Variants in SMAP1 observed in about 807,000 individuals in gnomAD.
SMAP1 encodes small ArfGAP 1.
A neutral mutation model predicts 58.5 loss-of-function variants in SMAP1; 24 were observed. The ratio of observed to expected loss-of-function variants is 0.41; its 90% CI spans 0.30 to 0.58. The LOEUF (loss-of-function observed/expected upper bound fraction) is 0.58. SMAP1 is among the 20% of genes least tolerant of loss of function. SMAP1 has a pLI of 0.29. For missense variants in SMAP1, 563 were observed against 566.3 expected (o/e 0.99, Z 0.06); for synonymous variants, 216 against 196.6 (o/e 1.10, Z -0.82).
At chr6:70,857,881 G>T in intron 9 of SMAP1, 41 bp from the exon 10 acceptor site, 3 of 1,595,746 alleles carry the variant, frequency 1.9e-6, no homozygotes, top group Non-Finnish European at 2.6e-6. Context: ...GCAACTACAC[G>T]TGATAGCTCT....
intron 6 of SMAP1, among the ~76,000 whole-genome samples, chr6:70,806,296 G>A (rs1258611470): frequency 3.9e-5 from 6 of 152,232 alleles, no homozygotes; most frequent in Admixed American, 6.5e-5. Flanking sequence ...GGCTCTGTGA[G>A]CGTGGGACCT....
chr6:70,780,426 G>C (rs1054073756), intron 4 of SMAP1, among the ~76,000 whole-genome samples: 1 of 152,054 alleles, frequency 6.6e-6, no homozygotes, highest in African/African-American at 2.4e-5. Context: ...AAATAATAAT[G>C]AAAAATTAGC....
intron 2 of SMAP1, among the ~76,000 whole-genome samples, chr6:70,736,791 A>T (rs1328719711): frequency 6.6e-6 from 1 of 152,160 alleles, no homozygotes; most frequent in Non-Finnish European, 1.5e-5. Flanking sequence ...CATTTCTCCG[A>T]CAAGTCCAAG....
intron 3 of SMAP1, among the ~76,000 whole-genome samples, chr6:70,769,977 G>C (rs1487599273): frequency 6.6e-6 from 1 of 151,656 alleles, no homozygotes; most frequent in Non-Finnish European, 1.5e-5. Context: ...GCATTTGCTT[G>C]TCTGTAAAGG....
intron 2 of SMAP1, among the ~76,000 whole-genome samples, chr6:70,746,620 G>T (rs1393654073): frequency 6.6e-6 from 1 of 152,074 alleles, no homozygotes; most frequent in Non-Finnish European, 1.5e-5. Flanking sequence ...CAGGGATATT[G>T]GTCTAAAATT....
chr6:70,679,808 C>T (rs773420589), intron 1 of SMAP1, among the ~76,000 whole-genome samples: 2 of 152,288 alleles, frequency 1.3e-5, no homozygotes, highest in Non-Finnish European at 2.9e-5. Flanking sequence ...TCAGTTCTCT[C>T]CAAATTAGTC....
intron 1 of SMAP1, among the ~76,000 whole-genome samples, chr6:70,687,693 C>A (rs531099776): frequency 6.6e-6 from 1 of 152,138 alleles, no homozygotes; most frequent in African/African-American, 2.4e-5. Context: ...GACACTTGAC[C>A]CAGTTTCTCC....
chr6:70,733,421 A>G (rs1456292144), intron 2 of SMAP1, among the ~76,000 whole-genome samples: 3 of 152,236 alleles, frequency 2.0e-5, no homozygotes, highest in East Asian at 1.9e-4. Context: ...TGTACTTTCA[A>G]GATCCTTGAG....
chr6:70,847,792 G>A (rs2150006429), intron 7 of SMAP1, among the ~76,000 whole-genome samples: 1 of 152,226 alleles, frequency 6.6e-6, no homozygotes, highest in South Asian at 2.1e-4. Context: ...AGCTGAGCAA[G>A]GTGCATGTCT....
intron 3 of SMAP1, among the ~76,000 whole-genome samples, chr6:70,763,586 A>C (rs1052459926): frequency 2.0e-5 from 3 of 152,214 alleles, no homozygotes; most frequent in African/African-American, 7.2e-5. Context: ...CTAGTGAGGA[A>C]GGCATGTGGA....
chr6:70,841,944 C>G (rs1770822245), intron 7 of SMAP1, among the ~76,000 whole-genome samples: 1 of 152,176 alleles, frequency 6.6e-6, no homozygotes, highest in Non-Finnish European at 1.5e-5. Flanking sequence ...TTCTCAAAGT[C>G]CATGTGCTAT....
intron 7 of SMAP1, among the ~76,000 whole-genome samples, chr6:70,838,857 T>G (rs1770700222): frequency 6.6e-6 from 1 of 152,144 alleles, no homozygotes; most frequent in Non-Finnish European, 1.5e-5. Flanking sequence ...ATTTGAAGAA[T>G]TATTGTGGCG....
intron 6 of SMAP1, among the ~76,000 whole-genome samples, chr6:70,835,782 C>T (rs1770556902): frequency 6.6e-6 from 1 of 152,150 alleles, no homozygotes; most frequent in Admixed American, 6.5e-5. Context: ...GCTGGTATTA[C>T]AGGTGTGAGT....
chr6:70,857,449 T>C (rs995478113), intron 9 of SMAP1: 11 of 169,314 alleles, frequency 6.5e-5, no homozygotes, highest in African/African-American at 1.9e-4. Flanking sequence ...ATAAGCCTTA[T>C]TGTTTACAGA....
At chr6:70,807,331 A>G (rs1435646725) in intron 6 of SMAP1, among the ~76,000 whole-genome samples, 1 of 152,244 alleles carries the variant, frequency 6.6e-6, no homozygotes, top group Non-Finnish European at 1.5e-5. Context: ...GTAAAACCTA[A>G]AAATGTAATG....
intron 1 of SMAP1, among the ~76,000 whole-genome samples, chr6:70,726,352 C>T (rs1439565674): frequency 6.6e-6 from 1 of 152,150 alleles, no homozygotes; most frequent in Admixed American, 6.5e-5. Flanking sequence ...GGGTACAGAA[C>T]ATACAGAGAT....
At chr6:70,680,819 A>G (rs1425401506) in intron 1 of SMAP1, among the ~76,000 whole-genome samples, 5 of 146,120 alleles carry the variant, frequency 3.4e-5, no homozygotes, top group African/African-American at 1.3e-4. Context: ...CCCGGGTTCA[A>G]GTGATTTTCC....
intron 7 of SMAP1, among the ~76,000 whole-genome samples, chr6:70,838,795 A>T (rs570781534): frequency 2.7e-4 from 41 of 152,290 alleles, no homozygotes; most frequent in Non-Finnish European, 5.7e-4. Flanking sequence ...ACTCTGAGTG[A>T]CCTGGAAAGA....
At chr6:70,711,101 AAGT>A (rs1768039473) in intron 1 of SMAP1, among the ~76,000 whole-genome samples, 1 of 152,208 alleles carries the variant, frequency 6.6e-6, no homozygotes, top group Admixed American at 6.5e-5. Context: ...TTTTTTTAAT[AAGT>A]AGAAGGAGTA....
Sources: allele counts gnomAD v4.1 joint callset (sites outside exome capture counted in the v4.1 genomes callset), GRCh38; gene constraint gnomAD v4.1.1; transcripts MANE v1.5; gene names NCBI Gene and HGNC (gene_info 2026-07-23, HGNC 2026-07-21).